Variants in BORCS5 observed in about 807,000 individuals in gnomAD.
BORCS5 encodes BLOC-1 related complex subunit 5.
A neutral mutation model predicts 22.1 loss-of-function variants in BORCS5; 17 were observed. That is an observed-to-expected ratio of 0.77 (90% confidence interval 0.53 to 1.15). The LOEUF is 1.15. Ranked by LOEUF, BORCS5 falls within the 50% of genes most tolerant of loss-of-function variation. BORCS5 has a pLI of 0.00. For synonymous variants in BORCS5, 117 were observed against 99.8 expected (o/e 1.17, Z -1.03); for missense variants, 247 against 253.2 (o/e 0.98, Z 0.17).
chr12:12,412,888 T>G (rs1308370971), intron 2 of BORCS5, among the ~76,000 whole-genome samples: 1 of 146,116 alleles, frequency 6.8e-6, no homozygotes, highest in Non-Finnish European at 1.5e-5. Flanking sequence ...GTTGAAATGA[T>G]TTTGTGGTTT....
At chr12:12,427,690 C>G (rs952486042) in intron 2 of BORCS5, among the ~76,000 whole-genome samples, 95 of 152,198 alleles carry the variant, frequency 6.2e-4, no homozygotes, top group African/African-American at 2.2e-3. Flanking sequence ...AAGCATTTAT[C>G]TCTGATAGTT....
intron 3 of BORCS5, among the ~76,000 whole-genome samples, chr12:12,450,145 G>A (rs1001207757): frequency 6.6e-6 from 1 of 152,228 alleles, no homozygotes; most frequent in African/African-American, 2.4e-5. Flanking sequence ...GGTCGCTTAG[G>A]ACAGGTGTGG....
At chr12:12,383,869 G>A (rs945922537) in intron 2 of BORCS5, among the ~76,000 whole-genome samples, 5 of 151,040 alleles carry the variant, frequency 3.3e-5, no homozygotes, top group Non-Finnish European at 5.9e-5. Context: ...CATCAGATTT[G>A]GTAAGTTTGT....
At chr12:12,458,438 G>A (rs545105460) in intron 3 of BORCS5, among the ~76,000 whole-genome samples, 1 of 152,216 alleles carries the variant, frequency 6.6e-6, no homozygotes, top group East Asian at 1.9e-4. Context: ...CATTCTGGAT[G>A]TAAGACTGTC....
intron 2 of BORCS5, among the ~76,000 whole-genome samples, chr12:12,391,287 C>A (rs777223027): frequency 1.9e-4 from 29 of 152,002 alleles, no homozygotes; most frequent in Non-Finnish European, 3.8e-4. Flanking sequence ...GATTTGTGGA[C>A]TGGACTTAAA....
At chr12:12,385,710 A>G (rs1863865175) in intron 2 of BORCS5, among the ~76,000 whole-genome samples, 1 of 151,062 alleles carries the variant, frequency 6.6e-6, no homozygotes, top group Non-Finnish European at 1.5e-5. Context: ...GGGTTTCACC[A>G]TATTGGCTAG....
intron 3 of BORCS5, among the ~76,000 whole-genome samples, chr12:12,448,701 G>A (rs1163798868): frequency 1.3e-5 from 2 of 151,520 alleles, no homozygotes; most frequent in Non-Finnish European, 2.9e-5. Flanking sequence ...GCTAATTTTT[G>A]TATTTTTAGT....
intron 2 of BORCS5, among the ~76,000 whole-genome samples, chr12:12,427,330 G>A (rs60253266): frequency 0.3 from 45,845 of 151,300 alleles, 8,231 homozygotes; most frequent in African/African-American, 0.51. Flanking sequence ...ACAGGCACCC[G>A]CCACCACGCC....
intron 2 of BORCS5, among the ~76,000 whole-genome samples, chr12:12,424,662 A>G (rs1942232803): frequency 6.6e-6 from 1 of 151,728 alleles, no homozygotes; most frequent in African/African-American, 2.4e-5. Flanking sequence ...AACTGTGGAA[A>G]CAGATTCTCC....
At chr12:12,406,033 G>A (rs1941588044) in intron 2 of BORCS5, among the ~76,000 whole-genome samples, 1 of 152,248 alleles carries the variant, frequency 6.6e-6, no homozygotes, top group African/African-American at 2.4e-5. Context: ...GCTGGCATTG[G>A]TGACCGGACT....
intron 2 of BORCS5, among the ~76,000 whole-genome samples, chr12:12,430,595 C>T (rs1333707573): frequency 2.0e-5 from 3 of 151,998 alleles, no homozygotes; most frequent in East Asian, 1.9e-4. Flanking sequence ...GAGGAAAAAC[C>T]TCAGCTTTTT....
chr12:12,363,712 G>C (rs893931927), intron 2 of BORCS5, among the ~76,000 whole-genome samples: 8 of 151,962 alleles, frequency 5.3e-5, no homozygotes, highest in Non-Finnish European at 1.0e-4. Context: ...ACTCCAGCCT[G>C]GGTGACAGAG....
chr12:12,413,354 C>T (rs1310684401), intron 2 of BORCS5, among the ~76,000 whole-genome samples: 3 of 140,172 alleles, frequency 2.1e-5, no homozygotes, highest in African/African-American at 8.4e-5. Context: ...CCATTTAACC[C>T]TGAGTGGACA....
At chr12:12,410,430 C>T (rs9738409) in intron 2 of BORCS5, among the ~76,000 whole-genome samples, 42,001 of 151,782 alleles carry the variant, frequency 0.28, 6,352 homozygotes, top group African/African-American at 0.43. Flanking sequence ...GATCCAGTTT[C>T]AGCTTTCTAC....
intron 2 of BORCS5, among the ~76,000 whole-genome samples, chr12:12,413,669 C>G (rs1427860262): frequency 7.7e-6 from 1 of 130,384 alleles, no homozygotes; most frequent in Non-Finnish European, 1.6e-5. Context: ...GGCAGAAGCG[C>G]CCCTCACCTC....
intron 3 of BORCS5, chr12:12,452,511 C>T (rs1167593595): frequency 2.3e-6 from 1 of 438,924 alleles, no homozygotes; most frequent in Non-Finnish European, 4.6e-6. Flanking sequence ...CGGGTAGGCA[C>T]TGGGGGCCAG....
chr12:12,360,946 G>A (rs1863270094), intron 1 of BORCS5, among the ~76,000 whole-genome samples: 1 of 151,972 alleles, frequency 6.6e-6, no homozygotes, highest in Non-Finnish European at 1.5e-5. Flanking sequence ...GTCTTGAACT[G>A]CTGACCTCAG....
At position 12,468,432 on chromosome 12, in the gene BORCS5, C is replaced by T. The variant is rs1371743382; in HGVS notation, c.*2656C>T. The T allele has an allele frequency of 6.6e-6, 1 of 152,208 alleles. No individual in the cohort carries two copies. The highest frequency in any genetic ancestry group is 6.5e-5 in the Admixed American group (1 of 15,286). 9.4% of individuals were successfully genotyped at this position (152,208 alleles called of 1,614,324 possible). ...CAGGGATAGGAGTTGTGAAAGAGCC[C>T]TTGGCTGGACGTTTCTAGCCTTAAT... On this transcript the variant is annotated 3_prime_UTR_variant, in exon 4 of 4. Transcript: ENST00000314565.
chr12:12,411,747 AC>A (rs1248325033), intron 2 of BORCS5, among the ~76,000 whole-genome samples: 1 of 152,124 alleles, frequency 6.6e-6, no homozygotes, highest in Non-Finnish European at 1.5e-5. Flanking sequence ...AAAACATTAA[AC>A]GTTTTATTGT....
Sources: allele counts gnomAD v4.1 joint callset (sites outside exome capture counted in the v4.1 genomes callset), GRCh38; gene constraint gnomAD v4.1.1; transcripts MANE v1.5; gene names NCBI Gene and HGNC (gene_info 2026-07-23, HGNC 2026-07-21).